Variants in SPAG16 observed in about 807,000 individuals in gnomAD.
SPAG16 encodes the protein sperm-associated antigen 16 protein.
In SPAG16, 86 loss-of-function variants were observed where a neutral mutation model predicts 80.4. The observed-to-expected ratio is 1.07, with a 90% CI of 0.90 to 1.28. SPAG16 has a LOEUF of 1.28. Among genes scored for constraint, SPAG16 ranks in the 50% most tolerant of loss-of-function variants. SPAG16 has a pLI of 0.00. For missense variants in SPAG16, 870 were observed against 765.3 expected, an observed-to-expected ratio of 1.14 and a Z score of -1.61; for synonymous variants, 294 against 265.9, an observed-to-expected ratio of 1.11 and a Z score of -1.03.
At chr2:214,002,240 T>C (rs4672701) in intron 12 of SPAG16, among the ~76,000 whole-genome samples, 13,168 of 152,106 alleles carry the variant, frequency 0.087, 624 homozygotes, top group African/African-American at 0.12. Flanking sequence ...AATAAAGAAA[T>C]AGTTTACTAT....
chr2:213,894,276 G>A (rs969421589), intron 11 of SPAG16, among the ~76,000 whole-genome samples: 1 of 152,034 alleles, frequency 6.6e-6, no homozygotes, highest in Non-Finnish European at 1.5e-5. Flanking sequence ...AGGAGTGCAA[G>A]GATGGTTCAG....
At chr2:213,701,425 C>T (rs989213065) in intron 10 of SPAG16, among the ~76,000 whole-genome samples, 5 of 152,110 alleles carry the variant, frequency 3.3e-5, no homozygotes, top group African/African-American at 9.7e-5. Flanking sequence ...TCACTCTTGG[C>T]GCCTCCTCGG....
chr2:214,169,574 G>A (rs1259973447), intron 15 of SPAG16, among the ~76,000 whole-genome samples: 1 of 151,992 alleles, frequency 6.6e-6, no homozygotes, highest in Admixed American at 6.6e-5. Flanking sequence ...GAGAAATGCT[G>A]CCTTCCCTTG....
At position 214,408,694 on chromosome 2, in the gene SPAG16, AATATATCACT is replaced by A; in HGVS notation, c.1721-1445_1721-1436del. 2.0e-5 allele frequency among the ~76,000 whole-genome samples: 3 copies of A among 152,298 alleles called. No homozygotes were observed. The South Asian group carries it at 6.2e-4, about 32-fold the overall frequency. On this transcript the variant is annotated intron_variant, in intron 15 of 15. Coordinates refer to ENST00000331683, the MANE Select transcript of SPAG16 (RefSeq NM_024532.5). ...TAAAATGGACCAATGCTATTTTCACAATATATCACTTACCTAAAATCTGTCAAGAAGGCAT... is the reference window on the plus strand; with the variant it reads ...TAAAATGGACCAATGCTATTTTCACATACCTAAAATCTGTCAAGAAGGCAT...
chr2:213,557,473 C>G (rs2059461883), intron 10 of SPAG16, among the ~76,000 whole-genome samples: 1 of 151,526 alleles, frequency 6.6e-6, no homozygotes, highest in East Asian at 1.9e-4. Context: ...ATATGTATAC[C>G]ATTAAGAATA....
intron 15 of SPAG16, among the ~76,000 whole-genome samples, chr2:214,177,890 T>TATATATATACATATATATATATATAC (rs2057147333): frequency 1.8e-5 from 2 of 108,166 alleles, no homozygotes; most frequent in East Asian, 3.2e-4. Flanking sequence ...AAAAGCAGAA[T>TATATATATACATATATATATATATAC]ATATATATAC....
intron 15 of SPAG16, among the ~76,000 whole-genome samples, chr2:214,195,375 A>G (rs181569757): frequency 6.9e-6 from 1 of 145,776 alleles, no homozygotes; most frequent in East Asian, 2.0e-4. Flanking sequence ...CAAGCACAGA[A>G]TGTTATTATT....
intron 9 of SPAG16, among the ~76,000 whole-genome samples, chr2:213,415,560 A>G (rs940227211): frequency 6.6e-6 from 1 of 152,154 alleles, no homozygotes; most frequent in Non-Finnish European, 1.5e-5. Flanking sequence ...GGAAGAATAG[A>G]CAGATTTGGT....
At chr2:213,490,173 TG>T in intron 10 of SPAG16, 83 bp downstream of exon 10, 1 of 1,326,510 alleles carries the variant, frequency 7.5e-7, no homozygotes, top group South Asian at 1.6e-5. Flanking sequence ...CATTCATGGT[TG>T]AAATGGTTTG....
At chr2:214,317,637 A>G (rs1390656974) in intron 15 of SPAG16, among the ~76,000 whole-genome samples, 1 of 152,256 alleles carries the variant, frequency 6.6e-6, no homozygotes, top group Non-Finnish European at 1.5e-5. Context: ...GTCCAGAGTT[A>G]GTTAATTCAT....
At chr2:213,835,245 C>A (rs749829446) in intron 10 of SPAG16, among the ~76,000 whole-genome samples, 45 of 152,148 alleles carry the variant, frequency 3.0e-4, no homozygotes, top group Non-Finnish European at 5.7e-4. Flanking sequence ...CAGGCTGTCT[C>A]CTCTCTTGTA....
intron 10 of SPAG16, among the ~76,000 whole-genome samples, chr2:213,833,477 A>T (rs867441756): frequency 3.3e-4 from 1 of 2,994 alleles, no homozygotes; most frequent in Non-Finnish European, 9.7e-4. Flanking sequence ...ATATATAATA[A>T]TATATATATT....
chr2:213,468,448 T>G (rs28848567), intron 9 of SPAG16, among the ~76,000 whole-genome samples: 1 of 135,608 alleles, frequency 7.4e-6, no homozygotes, highest in Non-Finnish European at 1.5e-5. Flanking sequence ...TATTTATATA[T>G]AGATATATAT....
At chr2:214,102,383 T>C (rs2053112700) in intron 13 of SPAG16, among the ~76,000 whole-genome samples, 1 of 151,966 alleles carries the variant, frequency 6.6e-6, no homozygotes, top group South Asian at 2.1e-4. Context: ...TTGGCATCTG[T>C]GAATATAATT....
chr2:214,184,338 C>A (rs531297577), intron 15 of SPAG16, among the ~76,000 whole-genome samples: 1 of 151,916 alleles, frequency 6.6e-6, no homozygotes, highest in Non-Finnish European at 1.5e-5. Context: ...GCTTTTCAAG[C>A]TTTATTAGTA....
rs145642811 is a variant in SPAG16 at position 213,837,477 on chromosome 2, C to T, written c.1071-25008C>T. On this transcript the variant is annotated intron_variant, in intron 10 of 15. Coordinates refer to ENST00000331683, the MANE Select transcript of SPAG16 (RefSeq NM_024532.5). ...AACATGCAAAAGTCACTTTTAACTCCCAGAATATTTTATACAATTTTAAAA... is the reference window on the plus strand; with the variant it reads ...AACATGCAAAAGTCACTTTTAACTCTCAGAATATTTTATACAATTTTAAAA... Among the ~76,000 whole-genome samples, 336 of 152,290 alleles carry T rather than the reference C, an allele frequency of 2.2e-3. 3 individuals carry two copies. Among genetic ancestry groups the T allele is most frequent in the African/African-American group, 7.7e-3 (320 of 41,566 alleles).
chr2:213,649,882 A>G (rs2062960825), intron 10 of SPAG16, among the ~76,000 whole-genome samples: 1 of 152,160 alleles, frequency 6.6e-6, no homozygotes, highest in Non-Finnish European at 1.5e-5. Context: ...TTGCAGAGCT[A>G]GTTATCCAAA....
chr2:214,150,086 C>T lies in SPAG16; in HGVS notation c.1720+820C>T, dbSNP rs376056453. Among the ~76,000 whole-genome samples the T allele has an allele frequency of 1.6e-3, 242 of 151,728 alleles. 2 individuals carry two copies. The highest frequency in any genetic ancestry group is 3.8e-3 in the African/African-American group (157 of 41,398). On this transcript the variant is annotated intron_variant, in intron 15 of 15. Coordinates refer to ENST00000331683, the MANE Select transcript of SPAG16 (RefSeq NM_024532.5). ...TATTTGTGGTAAATCAAAGTTGTGG[C>T]GATAGCAAAAACTTGATTTTAGGTG...
intron 15 of SPAG16, among the ~76,000 whole-genome samples, chr2:214,226,697 A>T (rs1259340967): frequency 6.6e-6 from 1 of 152,086 alleles, no homozygotes; most frequent in Non-Finnish European, 1.5e-5. Flanking sequence ...CACTAATAGG[A>T]TCACACAAGA....
Sources: gnomAD v4.1 joint callset for allele counts (sites outside exome capture counted in the v4.1 genomes callset) on GRCh38, gnomAD v4.1.1 for gene constraint, MANE v1.5 for transcripts, NCBI Gene and HGNC (gene_info 2026-07-23, HGNC 2026-07-21) for gene names.